The following SLX4IP variants were observed in gnomAD, a reference collection of about 807,000 sequenced individuals.
SLX4IP encodes the protein SLX4 interacting protein.
Under a neutral mutation model 32.9 loss-of-function variants are expected in SLX4IP, and 34 were observed. That is an observed-to-expected ratio of 1.03 (90% CI 0.79 to 1.38). The LOEUF is 1.38. Among genes scored for constraint, SLX4IP ranks in the 40% most tolerant of loss-of-function variants. The probability of loss-of-function intolerance (pLI) is 0.00; values close to 1 mark genes in which losing one functional copy is unlikely to be tolerated. For missense variants in SLX4IP, 444 were observed against 479.0 expected (o/e 0.93, Z 0.68); for synonymous variants, 172 against 171.7 (o/e 1.00, Z -0.01).
intron 3 of SLX4IP, among the ~76,000 whole-genome samples, chr20:10,560,237 T>C (rs1278260576): frequency 6.6e-6 from 1 of 152,218 alleles, no homozygotes; most frequent in Non-Finnish European, 1.5e-5. Context: ...CCCTTACTCC[T>C]GGCCCCATCC....
rs1163035045 is a variant in SLX4IP, at chr20:10,521,431, T to C, written c.28-34800T>C. ...CCTCTCTTCTCTCTACGTGGGTTCC[T>C]GTGCCTCCTAGCTTAGTGTGGATTT... On this transcript the variant is annotated intron_variant, in intron 2 of 7. Transcript: ENST00000334534. 2.6e-5 allele frequency among the ~76,000 whole-genome samples: 4 copies of C among 152,180 alleles called. No homozygotes were observed. The East Asian group carries it at 7.7e-4, about 29-fold the overall frequency.
intron 2 of SLX4IP, among the ~76,000 whole-genome samples, chr20:10,472,465 C>T (rs368355128): frequency 1.1e-4 from 17 of 152,264 alleles, no homozygotes; most frequent in African/African-American, 3.9e-4. Flanking sequence ...CTCCTGACCT[C>T]GTGATCTGCG....
At chr20:10,515,671 A>G (rs1237448394) in intron 2 of SLX4IP, among the ~76,000 whole-genome samples, 1 of 152,222 alleles carries the variant, frequency 6.6e-6, no homozygotes. Flanking sequence ...GATGAAATTC[A>G]TGGCATAAGC....
At chr20:10,482,128 G>T (rs1412142757) in intron 2 of SLX4IP, among the ~76,000 whole-genome samples, 1 of 152,228 alleles carries the variant, frequency 6.6e-6, no homozygotes, top group Admixed American at 6.5e-5. Flanking sequence ...ATCAGTGGGG[G>T]CCACTTAGAA....
intron 2 of SLX4IP, among the ~76,000 whole-genome samples, chr20:10,472,127 G>A (rs967601741): frequency 1.3e-5 from 2 of 152,052 alleles, no homozygotes; most frequent in African/African-American, 2.4e-5. Context: ...AAATTGTTTA[G>A]TGTAGTTTTC....
intron 2 of SLX4IP, among the ~76,000 whole-genome samples, chr20:10,536,585 G>A (rs548923100): frequency 6.6e-6 from 1 of 152,210 alleles, no homozygotes; most frequent in Non-Finnish European, 1.5e-5. Context: ...CTTGGCAAAC[G>A]TTACCTTGGC....
At chr20:10,519,482 T>G (rs1214741246) in intron 2 of SLX4IP, among the ~76,000 whole-genome samples, 1 of 152,260 alleles carries the variant, frequency 6.6e-6, no homozygotes, top group Admixed American at 6.5e-5. Flanking sequence ...CGTGGTGTTT[T>G]GTGACTGGCT....
chr20:10,502,576 G>T (rs1009048062), intron 2 of SLX4IP, among the ~76,000 whole-genome samples: 2 of 150,494 alleles, frequency 1.3e-5, no homozygotes, highest in Non-Finnish European at 2.9e-5. Context: ...TACTACTCCT[G>T]CTGCCTACAA....
intron 2 of SLX4IP, among the ~76,000 whole-genome samples, chr20:10,525,186 T>C (rs998630895): frequency 6.6e-6 from 1 of 152,250 alleles, no homozygotes; most frequent in African/African-American, 2.4e-5. Context: ...TTTTTATGTG[T>C]ATATCATTTA....
intron 2 of SLX4IP, among the ~76,000 whole-genome samples, chr20:10,542,377 TAGAGA>T (rs896645576): frequency 6.6e-6 from 1 of 152,208 alleles, no homozygotes; most frequent in African/African-American, 2.4e-5. Context: ...CTTAAGGCCC[TAGAGA>T]ACTAAGGATT....
At chr20:10,550,849 C>T (rs1568735932) in intron 2 of SLX4IP, among the ~76,000 whole-genome samples, 1 of 152,192 alleles carries the variant, frequency 6.6e-6, no homozygotes, top group African/African-American at 2.4e-5. Flanking sequence ...CTTCCCTCAC[C>T]TTCCTCAGGC....
chr20:10,494,315 A>G (rs898151502), intron 2 of SLX4IP, among the ~76,000 whole-genome samples: 2 of 151,206 alleles, frequency 1.3e-5, no homozygotes, highest in African/African-American at 4.8e-5. Flanking sequence ...AGGGCGGAGG[A>G]TGGAAATAAA....
chr20:10,465,781 T>C (rs1198346674), intron 2 of SLX4IP, among the ~76,000 whole-genome samples: 1 of 152,238 alleles, frequency 6.6e-6, no homozygotes, highest in Non-Finnish European at 1.5e-5. Flanking sequence ...GATGGGATTA[T>C]AGGCGTGAGC....
chr20:10,505,015 C>T (rs1375479186), intron 2 of SLX4IP, among the ~76,000 whole-genome samples: 1 of 152,082 alleles, frequency 6.6e-6, no homozygotes, highest in African/African-American at 2.4e-5. Context: ...CTGAGAATAA[C>T]AGTTTGTGCA....
rs778764092 is a variant in SLX4IP at position 10,601,814 on chromosome 20, G to A, written c.400G>A (p.Asp134Asn). 1.2e-6 allele frequency: 2 copies of A among 1,613,494 alleles called. No individual in the cohort carries two copies. The highest frequency in any genetic ancestry group is 4.5e-5 in the East Asian group (2 of 44,852). The change falls in exon 6 of 8, where the codon GAT (aspartate) becomes AAT (asparagine). Residue 134 changes from aspartate to asparagine, a missense_variant. Asp to Asn is a conservative substitution (Grantham distance 23). Transcript: ENST00000334534. ...TGATCTTTTAGCAAGTCAGAATGAAGATTTGGTGAGTATGAAAAAATTCTA... is the reference window on the plus strand; with the variant it reads ...TGATCTTTTAGCAAGTCAGAATGAAAATTTGGTGAGTATGAAAAAATTCTA... ...SRDLLASQNEDLTERVLHGVS... is the reference protein window; with the variant it reads ...SRDLLASQNENLTERVLHGVS...
intron 2 of SLX4IP, among the ~76,000 whole-genome samples, chr20:10,512,704 A>ATT (rs1377671975): frequency 1.6e-5 from 2 of 127,138 alleles, no homozygotes; most frequent in Admixed American, 1.7e-4. Context: ...TAGTATATAT[A>ATT]GTGTATATAT....
At chr20:10,524,988 T>C (rs2065929525) in intron 2 of SLX4IP, among the ~76,000 whole-genome samples, 1 of 152,176 alleles carries the variant, frequency 6.6e-6, no homozygotes, top group Non-Finnish European at 1.5e-5. Flanking sequence ...GCTTCTCCCC[T>C]CTGCACCTAT....
At chr20:10,518,252 G>A (rs941130777) in intron 2 of SLX4IP, among the ~76,000 whole-genome samples, 1 of 152,206 alleles carries the variant, frequency 6.6e-6, no homozygotes, top group Admixed American at 6.5e-5. Context: ...AGAACACATT[G>A]ATTAAACGGA....
intron 4 of SLX4IP, among the ~76,000 whole-genome samples, chr20:10,572,555 T>C (rs1284854562): frequency 6.6e-6 from 1 of 152,196 alleles, no homozygotes; most frequent in South Asian, 2.1e-4. Context: ...TCAGGACATT[T>C]TTCTGTTTGT....
Sources: gnomAD v4.1 joint callset for allele counts (sites outside exome capture counted in the v4.1 genomes callset) on GRCh38, gnomAD v4.1.1 for gene constraint, MANE v1.5 for transcripts, NCBI Gene and HGNC (gene_info 2026-07-23, HGNC 2026-07-21) for gene names.